The following CACNA1C variants were observed in gnomAD, a reference collection of about 807,000 sequenced individuals.
CACNA1C encodes voltage-dependent L-type calcium channel subunit alpha-1C.
CACNA1C carries 30 observed loss-of-function variants against 229.0 expected under a neutral mutation model. The ratio of observed to expected loss-of-function variants is 0.13; its 90% confidence interval spans 0.10 to 0.18. The LOEUF is 0.18. CACNA1C is among the 10% of genes least tolerant of loss of function. The pLI, the probability that CACNA1C is intolerant of heterozygous loss-of-function variation, is 1.00. For synonymous variants in CACNA1C, 1,114 were observed against 1,132.5 expected, an observed-to-expected ratio of 0.98 and a Z score of 0.33; for missense variants, 1,658 against 2,845.0, an observed-to-expected ratio of 0.58 and a Z score of 9.49.
Position 2,595,749 on chromosome 12 carries a change from T to A in CACNA1C, c.2664-125T>A. ...AAGACTTCAGAATGAAGAGGTCACTTCAGGCCAACAAGCACCTGTTGCCAG... is the reference window on the plus strand; with the variant it reads ...AAGACTTCAGAATGAAGAGGTCACTACAGGCCAACAAGCACCTGTTGCCAG... On this transcript the variant is annotated intron_variant, in intron 19 of 46. Coordinates refer to ENST00000399655, the MANE Select transcript of CACNA1C (RefSeq NM_000719.7). This position sits in a 1 kb window ranked among gnomAD's most constrained non-coding sequence, Gnocchi z 4.1. The A allele has an allele frequency of 1.2e-6, 1 of 814,660 alleles. No individual in the cohort carries two copies. Among genetic ancestry groups the A allele is most frequent in the Non-Finnish European group, 1.9e-6 (1 of 516,948 alleles). 50.5% of individuals were successfully genotyped at this position (814,660 alleles called of 1,614,324 possible).
chr12:2,612,055 G>A (rs760664647), intron 29 of CACNA1C, 42 bp downstream of exon 29: 45 of 1,227,610 alleles, frequency 3.7e-5, no homozygotes, highest in Middle Eastern at 3.8e-4. Context: ...GGCATCAGGG[G>A]TGGACAGAAC....
At chr12:2,429,571 C>T (rs989384070) in intron 3 of CACNA1C, among the ~76,000 whole-genome samples, 2 of 152,204 alleles carry the variant, frequency 1.3e-5, no homozygotes, top group African/African-American at 4.8e-5. Context: ...CCTTTCCTCC[C>T]TCCCAGGGTT....
intron 3 of CACNA1C, among the ~76,000 whole-genome samples, chr12:2,271,370 A>G (rs1159108377): frequency 6.6e-6 from 1 of 152,234 alleles, no homozygotes; most frequent in East Asian, 1.9e-4. Context: ...AAAAGTACTC[A>G]GAGAGAATCT....
chr12:2,660,283 G>T (rs1442223745), intron 34 of CACNA1C: 1 of 152,176 alleles, frequency 6.6e-6, no homozygotes, highest in Non-Finnish European at 1.5e-5. Flanking sequence ...CAAAAAGATG[G>T]GGGGGAGAGA....
At chr12:2,376,345 A>G (rs892989538) in intron 3 of CACNA1C, among the ~76,000 whole-genome samples, 2 of 152,138 alleles carry the variant, frequency 1.3e-5, no homozygotes, top group African/African-American at 4.8e-5. Flanking sequence ...TTCTTATTGC[A>G]GAGTCCTCAT....
rs150830229 is a variant in CACNA1C, at chr12:2,653,041, G to A, written c.4075-794G>A. ...GGTGGCCACGGCTGAAGCGGCGCCC[G>A]GGAACACGGGCTGGGCCTCCCATCC... On this transcript the variant is annotated intron_variant, in intron 32 of 46. Transcript: ENST00000399655. The surrounding 1 kb of genome is among the most constrained non-coding windows in gnomAD (Gnocchi z 4.7). 1.2e-4 allele frequency among the ~76,000 whole-genome samples: 18 copies of A among 152,356 alleles called. No homozygotes were observed. The highest frequency in any genetic ancestry group is 1.6e-4 in the Non-Finnish European group (11 of 68,038).
At chr12:2,345,028 T>G (rs1210608104) in intron 3 of CACNA1C, among the ~76,000 whole-genome samples, 1 of 149,014 alleles carries the variant, frequency 6.7e-6, no homozygotes, top group South Asian at 2.2e-4. Flanking sequence ...GAAATGAAGC[T>G]GGGAACCATA....
chr12:2,670,166 G>A (rs567551800), intron 38 of CACNA1C, among the ~76,000 whole-genome samples: 1 of 152,280 alleles, frequency 6.6e-6, no homozygotes, highest in African/African-American at 2.4e-5. Flanking sequence ...CTACAGAGAT[G>A]ATTCAAACCC....
chr12:2,214,523 G>A (rs2059468059), intron 3 of CACNA1C, among the ~76,000 whole-genome samples: 1 of 151,918 alleles, frequency 6.6e-6, no homozygotes, highest in African/African-American at 2.4e-5. Context: ...TTACAAAGAA[G>A]GAAACTGAAG....
chr12:2,402,744 G>A (rs2098693957), intron 3 of CACNA1C, among the ~76,000 whole-genome samples: 3 of 152,126 alleles, frequency 2.0e-5, no homozygotes, highest in African/African-American at 7.2e-5. Context: ...AGACTTGTAG[G>A]CCCCCAGTGC....
At chr12:2,492,864 A>G (rs1597972609) in intron 6 of CACNA1C, among the ~76,000 whole-genome samples, 1 of 152,234 alleles carries the variant, frequency 6.6e-6, no homozygotes, top group East Asian at 1.9e-4. Flanking sequence ...TTATTTTTTG[A>G]TTGGCCATTT....
At chr12:2,484,677 C>T (rs895276508) in intron 5 of CACNA1C, among the ~76,000 whole-genome samples, 2 of 152,044 alleles carry the variant, frequency 1.3e-5, no homozygotes, top group East Asian at 1.9e-4. Flanking sequence ...CCCACCACCT[C>T]GAGTAGCACT....
chr12:2,487,304 T>G (rs1387101658), intron 6 of CACNA1C, among the ~76,000 whole-genome samples: 2 of 151,652 alleles, frequency 1.3e-5, no homozygotes. Context: ...CCATCGACAC[T>G]GCACCTCATT....
chr12:2,320,992 G>A (rs1014975225), intron 3 of CACNA1C, among the ~76,000 whole-genome samples: 1 of 152,244 alleles, frequency 6.6e-6, no homozygotes. Flanking sequence ...GGATGCTGCA[G>A]CAGCAGCTGT....
At chr12:2,562,767 A>G (rs1219253677) in intron 11 of CACNA1C, among the ~76,000 whole-genome samples, 2 of 152,208 alleles carry the variant, frequency 1.3e-5, no homozygotes, top group African/African-American at 4.8e-5. Flanking sequence ...ATGGGTGTAT[A>G]TATTTATGAG....
Position 2,403,056 on chromosome 12 carries a change from GC to G in CACNA1C, c.478-45919del, listed in dbSNP as rs1190580845. 6.6e-6 allele frequency among the ~76,000 whole-genome samples: 1 copy of G among 152,190 alleles called. No homozygotes were observed. Among genetic ancestry groups the G allele is most frequent in the Non-Finnish European group, 1.5e-5 (1 of 68,032 alleles). The stretch of plus-strand genomic sequence containing the variant: ...AGGGGCATTAGAATAGCACTGTGGG[GC>G]AGGGCAGAGGGACTTGTGTGTGTAG... On this transcript the variant is annotated intron_variant, in intron 3 of 46. Coordinates refer to ENST00000399655, the MANE Select transcript of CACNA1C (RefSeq NM_000719.7). The surrounding 1 kb of genome is among the most constrained non-coding windows in gnomAD (Gnocchi z 4.1).
chr12:2,677,280 C>T lies in CACNA1C; in HGVS notation c.4956+59C>T. 6.3e-7 allele frequency: 1 copy of T among 1,577,366 alleles called. No individual in the cohort carries two copies. The highest frequency in any genetic ancestry group is 8.6e-7 in the Non-Finnish European group (1 of 1,157,502). On this transcript the variant is annotated intron_variant, in intron 40 of 46. Coordinates refer to ENST00000399655, the MANE Select transcript of CACNA1C (RefSeq NM_000719.7). The surrounding 1 kb of genome is among the most constrained non-coding windows in gnomAD (Gnocchi z 7.4). ...AGGTCCTGGTCATTGCCTCTGACCT[C>T]CAGTCAGGGTCCCGGTCCCTCCCCA...
intron 3 of CACNA1C, among the ~76,000 whole-genome samples, chr12:2,419,725 G>C (rs1241839598): frequency 6.6e-6 from 1 of 152,186 alleles, no homozygotes; most frequent in Non-Finnish European, 1.5e-5. Context: ...ACACACAGTA[G>C]GCCCTTGAGG....
At chr12:2,326,215 ATAGT>A (rs551062411) in intron 3 of CACNA1C, among the ~76,000 whole-genome samples, 87 of 152,294 alleles carry the variant, frequency 5.7e-4, no homozygotes, top group Non-Finnish European at 9.0e-4. Context: ...AAGGGGGCAG[ATAGT>A]TAGGAGGATA....
Sources: gnomAD v4.1 joint callset for allele counts (sites outside exome capture counted in the v4.1 genomes callset) on GRCh38, gnomAD v4.1.1 for gene constraint, Gnocchi (gnomAD v3.1) non-coding constraint, MANE v1.5 for transcripts, NCBI Gene and HGNC (gene_info 2026-07-23, HGNC 2026-07-21) for gene names.